LRIT3: variants seen among roughly 807,000 people sequenced by gnomAD.
LRIT3 encodes leucine rich repeat, Ig-like and transmembrane domains 3, also known as leucine-rich repeat, immunoglobulin-like domain and transmembrane domain-containing protein 3.
A neutral mutation model predicts 22.6 loss-of-function variants in LRIT3; 14 were observed. The observed-to-expected ratio is 0.62, with a 90% CI of 0.41 to 0.97. The LOEUF (loss-of-function observed/expected upper bound fraction) is 0.97. LRIT3 is among the 50% of genes least tolerant of loss of function. LRIT3 has a pLI of 0.00. For synonymous variants in LRIT3, 306 were observed against 304.5 expected, an observed-to-expected ratio of 1.01 and a Z score of -0.05; for missense variants, 783 against 803.0, an observed-to-expected ratio of 0.98 and a Z score of 0.30.
In LRIT3 at chr4:109,848,195, A is replaced by G; in HGVS notation, c.-7A>G. 8.2e-7 allele frequency: 1 copy of G among 1,225,648 alleles called. No individual in the cohort carries two copies. Among genetic ancestry groups the G allele is most frequent in the Non-Finnish European group, 1.0e-6 (1 of 982,036 alleles). 75.9% of individuals were successfully genotyped at this position (1,225,648 alleles called of 1,614,324 possible). On this transcript the variant is annotated 5_prime_UTR_variant, in exon 1 of 4. Transcript: ENST00000594814. ...ACCTTTTGTTTAAATAACCTCTAAA[A>G]GGAGCAATGCATCTCTTTGCATGTC...
In LRIT3 at chr4:109,871,422, A is replaced by T. The variant is rs1272008489; in HGVS notation, c.*633A>T. ...AAGTAAGTATACAAAGAGGATTATG[A>T]CAAATAGACCATTTCTTTAAAAATG... On this transcript the variant is annotated 3_prime_UTR_variant, in exon 4 of 4. Coordinates refer to ENST00000594814, the MANE Select transcript of LRIT3 (RefSeq NM_198506.5). 6.6e-6 allele frequency: 1 copy of T among 152,248 alleles called. No homozygotes were observed. Among genetic ancestry groups the T allele is most frequent in the African/African-American group, 2.4e-5 (1 of 41,472 alleles). 9.4% of individuals were successfully genotyped at this position (152,248 alleles called of 1,614,324 possible).
rs1560589830 is a variant in LRIT3, at chr4:109,851,965, GGATTATTCTTGGT to G, written c.579_589+2del. 6.5e-7 allele frequency: 1 copy of G among 1,542,302 alleles called. No homozygotes were observed. The highest frequency in any genetic ancestry group is 2.5e-5 in the East Asian group (1 of 40,816). On this transcript the variant is annotated splice_donor_variant and coding_sequence_variant, in exon 2 of 4. Coordinates refer to ENST00000594814, the MANE Select transcript of LRIT3 (RefSeq NM_198506.5). LOFTEE classifies it high-confidence loss of function. Reference sequence around the variant, plus strand: ...GGAGTCCTGGACCTTTCCCCAAGCAGGATTATTCTTGGTAAGCTCGCAAGCCTCTGGGCTTTTC... The same window carrying G: ...GGAGTCCTGGACCTTTCCCCAAGCAGAAGCTCGCAAGCCTCTGGGCTTTTC...
Position 109,870,138 on chromosome 4 carries a change from A to G in LRIT3, c.1389A>G (p.Pro463=). The change falls in exon 4 of 4, where the codon CCA becomes CCG. Residue 463 remains proline, a synonymous_variant. Coordinates refer to ENST00000594814, the MANE Select transcript of LRIT3 (RefSeq NM_198506.5). The stretch of plus-strand genomic sequence containing the variant: ...CAAAGAATGGAAGTAAGCTTCCTCC[A>G]GCCAGCACAAGTAAGAAAGAAGAGC... ...KVAKNGSKLP[P]ASTSKKEELA... 1 of 1,614,218 alleles carries G rather than the reference A, an allele frequency of 6.2e-7. No individual in the cohort carries two copies. Among genetic ancestry groups the G allele is most frequent in the Non-Finnish European group, 8.5e-7 (1 of 1,180,030 alleles).
Position 109,851,640 on chromosome 4 carries a change from T to C in LRIT3, c.253T>C (p.Tyr85His), listed in dbSNP as rs1206085857. The change falls in exon 2 of 4, where the codon TAT (tyrosine) becomes CAT (histidine). Residue 85 changes from tyrosine (Y) to histidine (H), a missense_variant. Transcript: ENST00000594814. ...EAFYYLVELQ[Y>H]LWVTYNSVAS... is the part of the protein sequence containing the mutation. ...CTTCTATTACCTGGTGGAGCTCCAGTATCTCTGGGTGACTTACAATTCCGT... is the reference window on the plus strand; with the variant it reads ...CTTCTATTACCTGGTGGAGCTCCAGCATCTCTGGGTGACTTACAATTCCGT... The C allele has an allele frequency of 4.5e-6, 7 of 1,551,596 alleles. No individual in the cohort carries two copies. The South Asian group carries it at 5.9e-5, about 13-fold the overall frequency.
intron 2 of LRIT3, among the ~76,000 whole-genome samples, chr4:109,866,308 T>A (rs948903226): frequency 6.6e-6 from 1 of 152,200 alleles, no homozygotes; most frequent in Non-Finnish European, 1.5e-5. Flanking sequence ...TTGGGCTTTA[T>A]ATGAGGCTGT....
Position 109,865,223 on chromosome 4 carries a change from A to G in LRIT3, c.590-2418A>G, listed in dbSNP as rs777626521. 7 of 1,526,302 alleles carry G rather than the reference A, an allele frequency of 4.6e-6. No individual in the cohort carries two copies. The South Asian group carries it at 8.3e-5, about 18-fold the overall frequency. The allele number at this position is 1,526,302 out of a possible 1,614,324, so 94.5% of individuals were successfully genotyped here. On this transcript the variant is annotated intron_variant, in intron 2 of 3. Coordinates refer to ENST00000594814, the MANE Select transcript of LRIT3 (RefSeq NM_198506.5). ...TCAGCAAGGTTGCATCACCCAGGTC[A>G]CAGAATTAACTAATGGTTGAGCCTC... is the stretch of plus-strand genomic sequence containing the variant.
intron 1 of LRIT3, among the ~76,000 whole-genome samples, chr4:109,850,406 C>T (rs1312224259): frequency 0.19 from 269 of 1,452 alleles, 19 homozygotes; most frequent in African/African-American, 0.23. Context: ...TTCCTTCCTT[C>T]CTTCCTTCCT....
intron 2 of LRIT3, among the ~76,000 whole-genome samples, chr4:109,865,939 A>G (rs774365950): frequency 2.0e-5 from 3 of 152,226 alleles, no homozygotes; most frequent in Non-Finnish European, 2.9e-5. Flanking sequence ...AAGAGCCAAC[A>G]GTTAAGAGAA....
Position 109,851,710 on chromosome 4 carries a change from A to T in LRIT3, c.323A>T (p.His108Leu). ...AGCTTTTACAACCTGAAGCAACTGCATGAGTTGCGCTTGGATGGGAATTCT... is the reference window on the plus strand; with the variant it reads ...AGCTTTTACAACCTGAAGCAACTGCTTGAGTTGCGCTTGGATGGGAATTCT... ...PSSFYNLKQL[H>L]ELRLDGNSLA... The change falls in exon 2 of 4, where the codon CAT becomes CTT. Residue 108 changes from histidine (H) to leucine (L), a missense_variant. Physicochemically the swap from His to Leu is moderately conservative, Grantham distance 99. This residue lies in a region of LRIT3 where 756 missense variants were observed against 753.8 expected (regional missense o/e 1.00). Coordinates refer to ENST00000594814, the MANE Select transcript of LRIT3 (RefSeq NM_198506.5). The T allele has an allele frequency of 6.4e-7, 1 of 1,551,738 alleles. No individual in the cohort carries two copies. The highest frequency in any genetic ancestry group is 8.7e-7 in the Non-Finnish European group (1 of 1,146,996).
At chr4:109,861,314 C>A (rs186292469) in intron 2 of LRIT3, among the ~76,000 whole-genome samples, 2 of 149,670 alleles carry the variant, frequency 1.3e-5, no homozygotes, top group African/African-American at 5.0e-5. Flanking sequence ...ATTGAGATCA[C>A]GTCACTGCAC....
chr4:109,852,768 G>A (rs186435933), intron 2 of LRIT3, among the ~76,000 whole-genome samples: 17 of 152,174 alleles, frequency 1.1e-4, no homozygotes, highest in African/African-American at 4.1e-4. Context: ...GCCCCAGTGT[G>A]TGATGTTCCC....
chr4:109,871,451 A>G lies in LRIT3; in HGVS notation c.*662A>G, dbSNP rs1475646350. On this transcript the variant is annotated 3_prime_UTR_variant, in exon 4 of 4. Coordinates refer to ENST00000594814, the MANE Select transcript of LRIT3 (RefSeq NM_198506.5). ...ATAGACCATTTCTTTAAAAATGGTA[A>G]CTGTTGCATTTAAACACATCGACTG... 2.0e-5 allele frequency: 3 copies of G among 152,252 alleles called. No individual in the cohort carries two copies. Among genetic ancestry groups the G allele is most frequent in the Middle Eastern group, 3.2e-3 (1 of 316 alleles). The allele number at this position is 152,252 out of a possible 1,614,324, so 9.4% of individuals were successfully genotyped here. A position where few individuals can be genotyped will look rare whatever the true frequency, so the allele number is the denominator to read the frequency against.
At position 109,869,778 on chromosome 4, in the gene LRIT3, G is replaced by A; in HGVS notation, c.1029G>A (p.Val343=). ...GGATGTCAGAAGCTGTGGTTACTGTGACAGTGCTTGGCATTACCACAACTC... is the reference window on the plus strand; with the variant it reads ...GGATGTCAGAAGCTGTGGTTACTGTAACAGTGCTTGGCATTACCACAACTC... ...LAGMSEAVVT[V]TVLGITTTPI... The change falls in exon 4 of 4, where the codon GTG becomes GTA. Residue 343 remains valine, a synonymous_variant. Coordinates refer to ENST00000594814, the MANE Select transcript of LRIT3 (RefSeq NM_198506.5). The A allele has an allele frequency of 6.2e-7, 1 of 1,613,908 alleles. No individual in the cohort carries two copies. Among genetic ancestry groups the A allele is most frequent in the Non-Finnish European group, 8.5e-7 (1 of 1,179,806 alleles).
Position 109,870,840 on chromosome 4 carries a change from T to A in LRIT3, c.*51T>A, listed in dbSNP as rs776640906. 3.3e-6 allele frequency: 5 copies of A among 1,502,228 alleles called. No individual in the cohort carries two copies. Among genetic ancestry groups the A allele is most frequent in the Non-Finnish European group, 1.8e-6 (2 of 1,122,116 alleles). The allele number at this position is 1,502,228 out of a possible 1,614,324, so 93.1% of individuals were successfully genotyped here. On this transcript the variant is annotated 3_prime_UTR_variant, in exon 4 of 4. Transcript: ENST00000594814. Reference sequence around the variant, plus strand: ...GCTACAAAACTAGCATCTAAGGGTATAATTGACCCTAGGTTTGGATGACTT... The same window carrying A: ...GCTACAAAACTAGCATCTAAGGGTAAAATTGACCCTAGGTTTGGATGACTT...
At chr4:109,864,162 A>G (rs898992878) in intron 2 of LRIT3, among the ~76,000 whole-genome samples, 2 of 152,226 alleles carry the variant, frequency 1.3e-5, no homozygotes, top group Non-Finnish European at 2.9e-5. Context: ...ATAAAATATA[A>G]GTAACCTTTT....
Position 109,851,540 on chromosome 4 carries a change from G to C in LRIT3, c.153G>C (p.Leu51=), listed in dbSNP as rs1279077374. The part of the protein sequence containing the change: ...VLCNDMDMNE[L]PTNLPVDTVK... Reference sequence around the variant, plus strand: ...GTAATGACATGGATATGAACGAGCTGCCTACGAACCTCCCCGTGGACACTG... The same window carrying C: ...GTAATGACATGGATATGAACGAGCTCCCTACGAACCTCCCCGTGGACACTG... The change falls in exon 2 of 4, where the codon CTG becomes CTC. Residue 51 remains leucine, a synonymous_variant. Transcript: ENST00000594814. The C allele has an allele frequency of 1.3e-6, 2 of 1,549,980 alleles. No homozygotes were observed. Among genetic ancestry groups the C allele is most frequent in the Admixed American group, 3.9e-5 (2 of 50,922 alleles).
intron 2 of LRIT3, chr4:109,865,251 C>G: frequency 6.4e-7 from 1 of 1,572,848 alleles, no homozygotes; most frequent in Non-Finnish European, 8.7e-7. Flanking sequence ...TGAGCCTCAT[C>G]AGGAACCCAG....
chr4:109,870,407 G>A lies in LRIT3; in HGVS notation c.1658G>A (p.Cys553Tyr), dbSNP rs551139098. 6.2e-6 allele frequency: 10 copies of A among 1,614,022 alleles called. No homozygotes were observed. Among genetic ancestry groups the A allele is most frequent in the Middle Eastern group, 3.3e-4 (2 of 6,084 alleles). Residue 553 changes from cysteine to tyrosine, a missense_variant, in exon 4 of 4, where the codon TGT (cysteine) becomes TAT (tyrosine). By Grantham distance (194) the Cys-to-Tyr change is radical. Transcript: ENST00000594814. ...GAACCCGGTGGGCAATACATGGCCT[G>A]TGTCTGTCCAAAAGGAGTGCCTCCC... Reference protein sequence around the residue: ...GLEPGGQYMACVCPKGVPPQK... With the variant: ...GLEPGGQYMAYVCPKGVPPQK...
At chr4:109,862,034 C>T (rs1229239621) in intron 2 of LRIT3, among the ~76,000 whole-genome samples, 1 of 152,114 alleles carries the variant, frequency 6.6e-6, no homozygotes, top group Non-Finnish European at 1.5e-5. Flanking sequence ...TCCACTTGTT[C>T]CAGCACCATT....
Sources: allele counts gnomAD v4.1 joint callset (sites outside exome capture counted in the v4.1 genomes callset), GRCh38; gene constraint gnomAD v4.1.1; regional missense constraint gnomAD v4.1.1; transcripts MANE v1.5; gene names NCBI Gene and HGNC (gene_info 2026-07-23, HGNC 2026-07-21).